CA5A: variants seen among roughly 807,000 people sequenced by gnomAD.
The protein encoded by CA5A is carbonic anhydrase 5A, mitochondrial.
In CA5A, 28 loss-of-function variants were observed where a neutral mutation model predicts 37.1. The ratio of observed to expected loss-of-function variants is 0.75; its 90% CI spans 0.56 to 1.03. The LOEUF (loss-of-function observed/expected upper bound fraction) is 1.03, where lower values mean the gene tolerates loss of function less well. CA5A is among the 50% of genes least tolerant of loss of function. CA5A has a pLI of 0.00. For missense variants in CA5A, 444 were observed against 399.9 expected (o/e 1.11, Z -0.94); for synonymous variants, 171 against 158.4 (o/e 1.08, Z -0.60).
intron 2 of CA5A, among the ~76,000 whole-genome samples, chr16:87,922,711 G>A (rs2056247825): frequency 6.6e-6 from 1 of 152,252 alleles, no homozygotes; most frequent in Non-Finnish European, 1.5e-5. Context: ...GACCGACTGT[G>A]ACCTTGGCCT....
At chr16:87,909,803 T>C (rs2056024104) in intron 2 of CA5A, among the ~76,000 whole-genome samples, 1 of 152,188 alleles carries the variant, frequency 6.6e-6, no homozygotes, top group Non-Finnish European at 1.5e-5. Flanking sequence ...CCAAGCGTAT[T>C]TCTTTAAAAA....
intron 2 of CA5A, chr16:87,923,871 T>C (rs1330352694): frequency 1.0e-4 from 98 of 984,206 alleles, no homozygotes; most frequent in Non-Finnish European, 1.1e-4. Context: ...AAATTACTAA[T>C]ACATTCACAC....
intron 5 of CA5A, among the ~76,000 whole-genome samples, chr16:87,894,640 A>G (rs1050065364): frequency 1.3e-5 from 2 of 151,810 alleles, no homozygotes; most frequent in African/African-American, 4.8e-5. Context: ...GCATTTTGGG[A>G]GGCCAAGGCA....
chr16:87,923,655 C>T, intron 2 of CA5A: 8 of 985,316 alleles, frequency 8.1e-6, no homozygotes, highest in Non-Finnish European at 9.6e-6. Flanking sequence ...TCAGGGTCAG[C>T]CACCAGACCC....
At position 87,891,328 on chromosome 16, in the gene CA5A, C is replaced by T. The variant is rs1332363799; in HGVS notation, c.774+471G>A. ...ACTAAAAATACAAAAATTAGCCAGG[C>T]GTGGTGATGGGTGCCTGTAATCCCA... On this transcript the variant is annotated intron_variant, in intron 6 of 6. Transcript: ENST00000649794. Among the ~76,000 whole-genome samples the T allele has an allele frequency of 2.6e-5, 4 of 151,472 alleles. No individual in the cohort carries two copies. In the South Asian group the frequency reaches 6.3e-4, roughly 24 times the overall value.
chr16:87,926,182 G>A (rs140955016), intron 2 of CA5A, among the ~76,000 whole-genome samples: 1 of 152,152 alleles, frequency 6.6e-6, no homozygotes, highest in East Asian at 1.9e-4. Flanking sequence ...TTGCGCCATG[G>A]CACTCCATCC....
downstream of CA5A, chr16:87,886,121 C>A (rs1287590280): frequency 6.6e-6 from 1 of 151,138 alleles, no homozygotes. Flanking sequence ...ACACTCAGAC[C>A]CAACATTGAG....
At chr16:87,908,605 G>A (rs2055999904) in intron 2 of CA5A, among the ~76,000 whole-genome samples, 1 of 152,154 alleles carries the variant, frequency 6.6e-6, no homozygotes, top group African/African-American at 2.4e-5. Context: ...TCACCCTCCA[G>A]ACTGTGGCCA....
intron 2 of CA5A, among the ~76,000 whole-genome samples, chr16:87,920,309 G>T (rs1466494763): frequency 6.6e-6 from 1 of 152,052 alleles, no homozygotes; most frequent in Non-Finnish European, 1.5e-5. Context: ...TTGTTTGTTT[G>T]TTTGATTGTT....
At chr16:87,913,504 C>T (rs747619149) in intron 2 of CA5A, among the ~76,000 whole-genome samples, 8 of 152,154 alleles carry the variant, frequency 5.3e-5, no homozygotes, top group Non-Finnish European at 1.0e-4. Context: ...TCCTGCAGCT[C>T]ACTGTGGTGG....
At chr16:87,928,760 G>GTTTTTTTT (rs60994571) in intron 1 of CA5A, among the ~76,000 whole-genome samples, 3 of 57,922 alleles carry the variant, frequency 5.2e-5, no homozygotes, top group East Asian at 6.1e-4. Flanking sequence ...TCTTTTCTTT[G>GTTTTTTTT]TTTTTTTTTT....
intron 2 of CA5A, among the ~76,000 whole-genome samples, chr16:87,912,169 GCA>G (rs2056060959): frequency 6.6e-6 from 1 of 152,122 alleles, no homozygotes; most frequent in Non-Finnish European, 1.5e-5. Flanking sequence ...GGGCGTGGTG[GCA>G]CGCGACTGTA....
intron 5 of CA5A, among the ~76,000 whole-genome samples, chr16:87,898,133 G>A (rs1482905025): frequency 6.6e-6 from 1 of 152,194 alleles, no homozygotes; most frequent in East Asian, 1.9e-4. Flanking sequence ...GGTCTCTGCC[G>A]AGTCAGTCCC....
chr16:87,932,134 T>C (rs2056415315), intron 1 of CA5A, among the ~76,000 whole-genome samples: 2 of 151,798 alleles, frequency 1.3e-5, no homozygotes, highest in South Asian at 4.2e-4. Flanking sequence ...AAAGCCCCTT[T>C]GAGGCCTCAC....
rs767402215 is a variant in CA5A, at chr16:87,936,357, G to A, written c.94C>T (p.Arg32Ter). 28 of 1,613,796 alleles carry A rather than the reference G, an allele frequency of 1.7e-5. No individual in the cohort carries two copies. The highest frequency in any genetic ancestry group is 2.7e-5 in the African/African-American group (2 of 74,858). The change falls in exon 1 of 7, where the codon CGA becomes TGA. Residue 32 changes from arginine to a stop codon, truncating the protein, a stop_gained. Transcript: ENST00000649794. LOFTEE classifies it high-confidence loss of function. ...GCACAGGAACGCTGAGAACACCATC[G>A]CCCTGGCCTCATCGAACGACTCCAG... is the stretch of plus-strand genomic sequence containing the variant. ...PLWSRSMRPG[R>*]WCSQRSCAWQ...
At position 87,892,281 on chromosome 16, in the gene CA5A, G is replaced by A. The variant is rs187590936; in HGVS notation, c.619-327C>T. 745 of 180,680 alleles carry A rather than the reference G, an allele frequency of 4.1e-3. 8 individuals are homozygous for A. The highest frequency in any genetic ancestry group is 0.017 in the African/African-American group (714 of 42,432). 11.2% of individuals were successfully genotyped at this position (180,680 alleles called of 1,614,324 possible). ...TCTCAGCACTTTGGGAGGCCGAGGC[G>A]GGTGCATCACTTGAGGTCAGGAGTT... On this transcript the variant is annotated intron_variant, in intron 5 of 6. Transcript: ENST00000649794.
intron 5 of CA5A, among the ~76,000 whole-genome samples, chr16:87,898,729 ATTTTTTTT>A (rs59375883): frequency 8.7e-6 from 1 of 115,082 alleles, no homozygotes; most frequent in African/African-American, 3.5e-5. Context: ...TCTAGTGTGG[ATTTTTTTT>A]TTTTTTTTTT....
chr16:87,908,991 T>G, intron 2 of CA5A, among the ~76,000 whole-genome samples: 1 of 87,476 alleles, frequency 1.1e-5, no homozygotes, highest in Admixed American at 1.0e-4. Flanking sequence ...ACCCGGCTAT[T>G]TTTTTTTTTT....
At chr16:87,898,116 C>T (rs1244998739) in intron 5 of CA5A, among the ~76,000 whole-genome samples, 1 of 152,198 alleles carries the variant, frequency 6.6e-6, no homozygotes, top group Non-Finnish European at 1.5e-5. Flanking sequence ...GGCAGGCATT[C>T]CTGGAGGGTC....
Sources: allele counts gnomAD v4.1 joint callset (sites outside exome capture counted in the v4.1 genomes callset), GRCh38; gene constraint gnomAD v4.1.1; transcripts MANE v1.5; gene names NCBI Gene and HGNC (gene_info 2026-07-23, HGNC 2026-07-21).